The following SLCO6A1 variants were observed in gnomAD, a reference collection of about 807,000 sequenced individuals.
SLCO6A1 encodes solute carrier organic anion transporter family member 6A1, also known as cancer/testis antigen 48.
SLCO6A1 carries 65 observed loss-of-function variants against 72.7 expected under a neutral mutation model. The ratio of observed to expected loss-of-function variants is 0.89; its 90% CI spans 0.73 to 1.10. SLCO6A1 has a LOEUF of 1.10. SLCO6A1 is among the 50% of genes least tolerant of loss of function. The pLI, the probability that SLCO6A1 is intolerant of heterozygous loss-of-function variation, is 0.00. For missense variants in SLCO6A1, 874 were observed against 872.6 expected (o/e 1.00, Z -0.02); for synonymous variants, 314 against 298.2 (o/e 1.05, Z -0.55).
At chr5:102,477,343 T>C (rs1052823897) in intron 3 of SLCO6A1, among the ~76,000 whole-genome samples, 2 of 152,026 alleles carry the variant, frequency 1.3e-5, no homozygotes, top group Non-Finnish European at 2.9e-5. Context: ...AGGCTGGTTT[T>C]GAACTCCTGA....
intron 5 of SLCO6A1, among the ~76,000 whole-genome samples, chr5:102,458,928 A>T (rs1384641718): frequency 3.3e-5 from 5 of 152,160 alleles, no homozygotes; most frequent in Non-Finnish European, 7.4e-5. Context: ...TTGACTTTAC[A>T]TGTATTTTTC....
chr5:102,477,617 T>G (rs1751970051), intron 3 of SLCO6A1, 59 bp downstream of exon 3: 1 of 1,455,338 alleles, frequency 6.9e-7, no homozygotes, highest in African/African-American at 1.4e-5. Context: ...TAGATATGCA[T>G]ACCAAAATTC....
intron 10 of SLCO6A1, among the ~76,000 whole-genome samples, chr5:102,395,970 AT>A (rs1222637042): frequency 6.6e-6 from 1 of 151,300 alleles, no homozygotes; most frequent in Non-Finnish European, 1.5e-5. Context: ...GATTGCAAAA[AT>A]TTTCTCCCAT....
chr5:102,448,624 G>GC (rs1417466758), intron 6 of SLCO6A1, among the ~76,000 whole-genome samples: 2 of 152,072 alleles, frequency 1.3e-5, no homozygotes, highest in African/African-American at 2.4e-5. Context: ...ATTATATAAT[G>GC]CCCCCCTTTG....
rs958776704 is a variant in SLCO6A1 at position 102,455,964 on chromosome 5, T to C, written c.1131+2418A>G. 4.6e-5 allele frequency among the ~76,000 whole-genome samples: 7 copies of C among 152,174 alleles called. No individual in the cohort carries two copies. In the East Asian group the frequency reaches 7.7e-4, roughly 17 times the overall value. On this transcript the variant is annotated intron_variant, in intron 6 of 13. Transcript: ENST00000506729. ...GGCTGGTACAACATATGCAAATCAATAAACATAATCCAGCATATAAAGAGA... is the reference window on the plus strand; with the variant it reads ...GGCTGGTACAACATATGCAAATCAACAAACATAATCCAGCATATAAAGAGA...
At chr5:102,434,811 A>T (rs1033240291) in intron 7 of SLCO6A1, among the ~76,000 whole-genome samples, 1 of 152,102 alleles carries the variant, frequency 6.6e-6, no homozygotes, top group African/African-American at 2.4e-5. Context: ...AAAAACTATT[A>T]CTATTTTTTT....
intron 8 of SLCO6A1, among the ~76,000 whole-genome samples, chr5:102,417,079 A>G (rs1209905120): frequency 6.6e-6 from 1 of 152,096 alleles, no homozygotes; most frequent in Non-Finnish European, 1.5e-5. Flanking sequence ...ATGAATTGGT[A>G]ATTTTATCAT....
intron 12 of SLCO6A1, among the ~76,000 whole-genome samples, chr5:102,384,345 G>T (rs1436540980): frequency 6.6e-6 from 1 of 151,894 alleles, no homozygotes; most frequent in Admixed American, 6.6e-5. Context: ...TGATAGTTAA[G>T]GACTCACAAC....
rs149831068 is a variant in SLCO6A1, at chr5:102,474,537, A to T, written c.899+1160T>A. 8.7e-3 allele frequency among the ~76,000 whole-genome samples: 1,317 copies of T among 152,166 alleles called. 11 individuals are homozygous for T. Among genetic ancestry groups the T allele is most frequent in the South Asian group, 0.016 (79 of 4,828 alleles). On this transcript the variant is annotated intron_variant, in intron 4 of 13. Coordinates refer to ENST00000506729, the MANE Select transcript of SLCO6A1 (RefSeq NM_173488.5). ...TTGACAATTATTTTTTGGATATTAC[A>T]CCAAAAGCCCAGGCAGCAAACCAAA...
intron 9 of SLCO6A1, among the ~76,000 whole-genome samples, chr5:102,409,125 G>T (rs1007367521): frequency 6.6e-6 from 1 of 152,132 alleles, no homozygotes; most frequent in East Asian, 1.9e-4. Context: ...TGGATAAGAA[G>T]AATACGTGTG....
At chr5:102,486,378 A>T (rs1327595556) in intron 1 of SLCO6A1, among the ~76,000 whole-genome samples, 1 of 152,166 alleles carries the variant, frequency 6.6e-6, no homozygotes, top group Non-Finnish European at 1.5e-5. Flanking sequence ...TTAAAATTCA[A>T]CAAAAGCTTC....
chr5:102,498,358 G>A lies in SLCO6A1; in HGVS notation c.358+129C>T, dbSNP rs556426859. 15 of 828,698 alleles carry A rather than the reference G, an allele frequency of 1.8e-5. No individual in the cohort carries two copies. In the African/African-American group the frequency reaches 2.7e-4, roughly 15 times the overall value. The allele number at this position is 828,698 out of a possible 1,614,324, so 51.3% of individuals were successfully genotyped here. The stretch of plus-strand genomic sequence containing the variant: ...CAACGCCTTGAGAAGTCAGAAAGCA[G>A]CCTCAGGCTGGGCCACCCCAGGGCA... On this transcript the variant is annotated intron_variant, in intron 1 of 13. Transcript: ENST00000506729.
chr5:102,399,309 T>C (rs376961557), intron 10 of SLCO6A1, among the ~76,000 whole-genome samples: 2 of 152,134 alleles, frequency 1.3e-5, no homozygotes, highest in South Asian at 4.1e-4. Flanking sequence ...TCTATGTGTG[T>C]TAAATTAGGT....
In SLCO6A1 at chr5:102,471,094, CA is replaced by C. The variant is rs199515505; in HGVS notation, c.899+4602del. The stretch of plus-strand genomic sequence containing the variant: ...TAATGATTTCTCCACGGTCATTTTT[CA>C]CATGGGCCCATTAATGAAGACCTAG... On this transcript the variant is annotated intron_variant, in intron 4 of 13. Coordinates refer to ENST00000506729, the MANE Select transcript of SLCO6A1 (RefSeq NM_173488.5). 3.4e-4 allele frequency among the ~76,000 whole-genome samples: 51 copies of C among 152,056 alleles called. No homozygotes were observed. In the East Asian group the frequency reaches 6.2e-3, roughly 18 times the overall value.
intron 10 of SLCO6A1, among the ~76,000 whole-genome samples, chr5:102,395,711 T>C (rs1354118081): frequency 1.3e-5 from 2 of 152,194 alleles, no homozygotes; most frequent in African/African-American, 4.8e-5. Context: ...TCCTGTTTCC[T>C]GACTTTTTAA....
intron 12 of SLCO6A1, among the ~76,000 whole-genome samples, chr5:102,375,601 AGGT>A (rs1745739638): frequency 6.6e-6 from 1 of 152,212 alleles, no homozygotes; most frequent in Admixed American, 6.5e-5. Flanking sequence ...TGGAATCAAC[AGGT>A]GGAAACTTTA....
chr5:102,496,179 T>C (rs1752902716), intron 1 of SLCO6A1, among the ~76,000 whole-genome samples: 1 of 152,164 alleles, frequency 6.6e-6, no homozygotes, highest in Non-Finnish European at 1.5e-5. Flanking sequence ...GTGCACCATG[T>C]CTGAAAAACT....
intron 7 of SLCO6A1, among the ~76,000 whole-genome samples, chr5:102,433,013 G>T (rs1561456985): frequency 6.6e-6 from 1 of 151,958 alleles, no homozygotes; most frequent in Non-Finnish European, 1.5e-5. Context: ...TCTTGTTTCA[G>T]AAACCCAATC....
intron 4 of SLCO6A1, among the ~76,000 whole-genome samples, chr5:102,468,590 C>T (rs916320317): frequency 2.6e-5 from 4 of 151,970 alleles, no homozygotes; most frequent in African/African-American, 9.7e-5. Flanking sequence ...TAATATCCCT[C>T]TTTGTCTTTT....
Sources: gnomAD v4.1 joint callset for allele counts (sites outside exome capture counted in the v4.1 genomes callset) on GRCh38, gnomAD v4.1.1 for gene constraint, MANE v1.5 for transcripts, NCBI Gene and HGNC (gene_info 2026-07-23, HGNC 2026-07-21) for gene names.